MLIP: variants seen among roughly 807,000 people sequenced by gnomAD.
MLIP encodes the protein muscular LMNA interacting protein, also known as muscular LMNA-interacting protein.
MLIP carries 79 observed loss-of-function variants against 84.8 expected under a neutral mutation model. The ratio of observed to expected loss-of-function variants is 0.93; its 90% CI spans 0.78 to 1.12. The LOEUF (loss-of-function observed/expected upper bound fraction) is 1.12. Ranked by LOEUF, MLIP falls within the 50% of genes most tolerant of loss-of-function variation. MLIP has a pLI of 0.00. For missense variants in MLIP, 1,257 were observed against 1,160.6 expected (o/e 1.08, Z -1.21); for synonymous variants, 504 against 463.0 (o/e 1.09, Z -1.14).
chr6:54,071,910 C>T (rs551451155), intron 1 of MLIP, among the ~76,000 whole-genome samples: 1 of 152,248 alleles, frequency 6.6e-6, no homozygotes, highest in Admixed American at 6.5e-5. Flanking sequence ...GTGCCTATTG[C>T]CTCACAATCA....
chr6:54,254,292 A>G (rs1300117679), intron 12 of MLIP, among the ~76,000 whole-genome samples: 2 of 151,594 alleles, frequency 1.3e-5, no homozygotes, highest in Admixed American at 6.6e-5. Flanking sequence ...ATGCCCAGCT[A>G]ATTTTTGTAT....
intron 11 of MLIP, chr6:54,216,685 T>G (rs1779877232): frequency 2.0e-6 from 2 of 985,124 alleles, no homozygotes; most frequent in Non-Finnish European, 2.4e-6. Flanking sequence ...TTTTCTTGGT[T>G]CAAATCAGGA....
Position 54,169,810 on chromosome 6 carries a change from G to C in MLIP, c.2544+238G>C, listed in dbSNP as rs576561170. Among the ~76,000 whole-genome samples, 9 of 151,706 alleles carry C rather than the reference G, an allele frequency of 5.9e-5. No homozygotes were observed. In the South Asian group the frequency reaches 1.9e-3, roughly 31 times the overall value. On this transcript the variant is annotated intron_variant, in intron 9 of 13. Coordinates refer to ENST00000502396, the MANE Select transcript of MLIP (RefSeq NM_001281747.2). ...CTAGTTGGATTAGTTTAGCTAAATA[G>C]AACTGCCACACCTGCTTCCTGATTT...
chr6:54,117,962 A>AGC (rs1770098117), intron 1 of MLIP, among the ~76,000 whole-genome samples: 1 of 128,782 alleles, frequency 7.8e-6, no homozygotes, highest in Non-Finnish European at 1.6e-5. Flanking sequence ...CAACAACAAC[A>AGC]ACAACAGCAA....
In MLIP at chr6:54,160,505, A is replaced by C; in HGVS notation, c.2356-11A>C. 1 of 1,612,168 alleles carries C rather than the reference A, an allele frequency of 6.2e-7. No homozygotes were observed. Among genetic ancestry groups the C allele is most frequent in the Non-Finnish European group, 8.5e-7 (1 of 1,178,976 alleles). ...TATTGCTAACCCAGTACCTGGTTTC[A>C]ATTCTTCCAGCTCTATTTTCCTGCA... On this transcript the variant is annotated splice_polypyrimidine_tract_variant and intron_variant, in intron 6 of 13. Transcript: ENST00000502396.
chr6:54,252,063 ATT>A (rs1333875324), intron 12 of MLIP, among the ~76,000 whole-genome samples: 1 of 95,372 alleles, frequency 1.0e-5, no homozygotes, highest in Admixed American at 1.8e-4. Flanking sequence ...AAATATATAT[ATT>A]ATAACATATA....
At chr6:54,141,995 A>T (rs969692377) in intron 4 of MLIP, among the ~76,000 whole-genome samples, 1 of 152,236 alleles carries the variant, frequency 6.6e-6, no homozygotes, top group Admixed American at 6.5e-5. Flanking sequence ...TCCTTCCTTT[A>T]AGACATCAAA....
At chr6:54,078,338 C>T (rs1232834264) in intron 1 of MLIP, among the ~76,000 whole-genome samples, 1 of 152,206 alleles carries the variant, frequency 6.6e-6, no homozygotes, top group East Asian at 1.9e-4. Flanking sequence ...TGCTTGTAAT[C>T]CCCGCACTTT....
intron 11 of MLIP, among the ~76,000 whole-genome samples, chr6:54,223,307 C>G (rs1037346996): frequency 2.9e-4 from 2 of 6,990 alleles, no homozygotes; most frequent in Non-Finnish European, 0.014. Flanking sequence ...AACAAACAAA[C>G]AAACAAACAA....
chr6:54,178,828 A>C (rs1211119920), intron 9 of MLIP, among the ~76,000 whole-genome samples: 1 of 152,160 alleles, frequency 6.6e-6, no homozygotes, highest in Non-Finnish European at 1.5e-5. Context: ...TATCCTTGAG[A>C]ATGATCCATG....
chr6:54,122,994 C>G (rs1027268246), intron 2 of MLIP, among the ~76,000 whole-genome samples: 3 of 151,456 alleles, frequency 2.0e-5, no homozygotes, highest in Non-Finnish European at 2.9e-5. Context: ...TGCAGTGGCG[C>G]GATCTCGGCT....
At chr6:54,166,159 A>C (rs1345702266) in intron 8 of MLIP, among the ~76,000 whole-genome samples, 2 of 151,966 alleles carry the variant, frequency 1.3e-5, no homozygotes, top group African/African-American at 4.8e-5. Context: ...ACAGGATGGA[A>C]AATAAAGGAC....
intron 1 of MLIP, among the ~76,000 whole-genome samples, chr6:54,040,753 T>C (rs931183019): frequency 6.6e-6 from 1 of 152,124 alleles, no homozygotes; most frequent in Non-Finnish European, 1.5e-5. Context: ...ATAGAAATCA[T>C]GTCCTTTGCA....
chr6:54,128,083 A>T (rs1350654357), intron 3 of MLIP, among the ~76,000 whole-genome samples: 1 of 152,190 alleles, frequency 6.6e-6, no homozygotes, highest in East Asian at 1.9e-4. Flanking sequence ...TATATGGGAA[A>T]AATTAAGCAT....
intron 1 of MLIP, among the ~76,000 whole-genome samples, chr6:54,048,489 G>A (rs1354966191): frequency 6.6e-6 from 1 of 152,114 alleles, no homozygotes; most frequent in Non-Finnish European, 1.5e-5. Flanking sequence ...GTTTGGGCAT[G>A]CACCCAGTTT....
At chr6:54,213,114 C>T (rs963790897) in intron 11 of MLIP, among the ~76,000 whole-genome samples, 1 of 152,136 alleles carries the variant, frequency 6.6e-6, no homozygotes, top group African/African-American at 2.4e-5. Context: ...TGGGTTAATC[C>T]TTGCAATAAA....
intron 4 of MLIP, 96 bp from the exon 5 acceptor site, chr6:54,148,960 A>C: frequency 1.0e-6 from 1 of 952,920 alleles, no homozygotes; most frequent in Non-Finnish European, 1.7e-6. Flanking sequence ...TCTTCATTTG[A>C]TAACGTATCA....
chr6:54,151,184 T>G (rs1329690760), intron 5 of MLIP, among the ~76,000 whole-genome samples: 1 of 152,130 alleles, frequency 6.6e-6, no homozygotes, highest in Non-Finnish European at 1.5e-5. Context: ...TTAGGTCCTT[T>G]AAATTATTCC....
At chr6:54,224,414 GA>G (rs1250762547) in intron 11 of MLIP, among the ~76,000 whole-genome samples, 1 of 147,680 alleles carries the variant, frequency 6.8e-6, no homozygotes, top group Non-Finnish European at 1.5e-5. Flanking sequence ...ATTACCAAAA[GA>G]AAAACTGAAA....
Sources: allele counts gnomAD v4.1 joint callset (sites outside exome capture counted in the v4.1 genomes callset), GRCh38; gene constraint gnomAD v4.1.1; transcripts MANE v1.5; gene names NCBI Gene and HGNC (gene_info 2026-07-23, HGNC 2026-07-21).